The following RORA variants were observed in gnomAD, a reference collection of about 807,000 sequenced individuals.
RORA encodes nuclear receptor ROR-alpha.
A neutral mutation model predicts 69.5 loss-of-function variants in RORA; 7 were observed. The ratio of observed to expected loss-of-function variants is 0.10; its 90% CI spans 0.06 to 0.19. The LOEUF (loss-of-function observed/expected upper bound fraction) is 0.19, where lower values mean the gene tolerates loss of function less well. Ranked by LOEUF, RORA falls within the 10% of genes least tolerant of loss-of-function variation. The pLI, the probability that RORA is intolerant of heterozygous loss-of-function variation, is 1.00. For missense variants in RORA, 457 were observed against 663.0 expected (o/e 0.69, Z 3.41); for synonymous variants, 261 against 240.8 (o/e 1.08, Z -0.78).
At chr15:61,035,665 ATCAC>A (rs1896422840) in intron 1 of RORA, among the ~76,000 whole-genome samples, 1 of 152,176 alleles carries the variant, frequency 6.6e-6, no homozygotes, top group African/African-American at 2.4e-5. Flanking sequence ...AGGTGTCTGA[ATCAC>A]TCACTATGAA....
intron 2 of RORA, among the ~76,000 whole-genome samples, chr15:60,629,172 G>A (rs1316082908): frequency 7.2e-6 from 1 of 139,506 alleles, no homozygotes; most frequent in Non-Finnish European, 1.5e-5. Flanking sequence ...TGTTTATAAG[G>A]ATTGACTGTT....
At chr15:61,227,545 G>T (rs979901128) in intron 1 of RORA, among the ~76,000 whole-genome samples, 1 of 152,044 alleles carries the variant, frequency 6.6e-6, no homozygotes, top group African/African-American at 2.4e-5. Flanking sequence ...TCCGTGAATG[G>T]GAAAGCGCCT....
chr15:60,929,388 G>C (rs1409823102), intron 1 of RORA, among the ~76,000 whole-genome samples: 1 of 152,226 alleles, frequency 6.6e-6, no homozygotes, highest in East Asian at 1.9e-4. Context: ...TCTTTGTTGA[G>C]AGGAAGGCAG....
intron 3 of RORA, among the ~76,000 whole-genome samples, chr15:60,522,704 G>A (rs575908877): frequency 1.3e-5 from 2 of 151,484 alleles, no homozygotes; most frequent in African/African-American, 4.8e-5. Flanking sequence ...AGGAGTTTGA[G>A]GGTGCAGTGA....
At chr15:60,960,864 A>T (rs188546972) in intron 1 of RORA, among the ~76,000 whole-genome samples, 5 of 152,242 alleles carry the variant, frequency 3.3e-5, no homozygotes, top group Admixed American at 2.6e-4. Flanking sequence ...ATTATTTCAA[A>T]TAACCTCAAA....
At chr15:60,540,634 A>G (rs1054656396) in intron 2 of RORA, among the ~76,000 whole-genome samples, 1 of 142,752 alleles carries the variant, frequency 7.0e-6, no homozygotes, top group Admixed American at 7.2e-5. Flanking sequence ...AAATGGGTCA[A>G]AATAACAAGA....
chr15:60,562,975 G>A (rs992520602), intron 2 of RORA, among the ~76,000 whole-genome samples: 7 of 152,180 alleles, frequency 4.6e-5, no homozygotes, highest in South Asian at 4.2e-4. Flanking sequence ...CTGTTAATCC[G>A]AGTGTACAAG....
chr15:60,674,048 T>G (rs1192859513), intron 2 of RORA, among the ~76,000 whole-genome samples: 1 of 152,214 alleles, frequency 6.6e-6, no homozygotes, highest in Non-Finnish European at 1.5e-5. Flanking sequence ...TAAAAGAACT[T>G]CAGCGTGGCT....
intron 1 of RORA, among the ~76,000 whole-genome samples, chr15:60,921,148 G>A (rs1892032380): frequency 6.6e-6 from 1 of 152,178 alleles, no homozygotes; most frequent in African/African-American, 2.4e-5. Context: ...GTTCACATAT[G>A]CCTACCCCAT....
At position 61,030,285 on chromosome 15, in the gene RORA, A is replaced by ATAATG. The variant is rs150978221; in HGVS notation, c.166+198763_166+198767dup. ...AACGGGGTCAAAGGATTTGAAGGTT[A>ATAATG]TAATGTATCAGTGCTAATTTGCTGA... On this transcript the variant is annotated intron_variant, in intron 1 of 10. Transcript: ENST00000335670. Among the ~76,000 whole-genome samples the ATAATG allele has an allele frequency of 2.1e-3, 327 of 152,326 alleles. 1 individual carries two copies. Among genetic ancestry groups the ATAATG allele is most frequent in the African/African-American group, 7.5e-3 (313 of 41,578 alleles).
chr15:60,745,231 T>G lies in RORA; in HGVS notation c.167-66545A>C, dbSNP rs369882987. On this transcript the variant is annotated intron_variant, in intron 1 of 10. Coordinates refer to ENST00000335670, the MANE Select transcript of RORA (RefSeq NM_134261.3). ...TTGCTTCCAGGGGAGTTTTCTCTGCTTTCCAGGATTCCAGCAGAATCTCAT... is the reference window on the plus strand; with the variant it reads ...TTGCTTCCAGGGGAGTTTTCTCTGCGTTCCAGGATTCCAGCAGAATCTCAT... 2.6e-4 allele frequency among the ~76,000 whole-genome samples: 39 copies of G among 152,242 alleles called. No individual in the cohort carries two copies. In the South Asian group the frequency reaches 6.8e-3, roughly 27 times the overall value.
At position 60,947,856 on chromosome 15, in the gene RORA, G is replaced by A. The variant is rs140457224; in HGVS notation, c.167-269170C>T. Among the ~76,000 whole-genome samples the A allele has an allele frequency of 7.2e-5, 11 of 152,278 alleles. No individual in the cohort carries two copies. The East Asian group carries it at 2.1e-3, about 29-fold the overall frequency. On this transcript the variant is annotated intron_variant, in intron 1 of 10. Coordinates refer to ENST00000335670, the MANE Select transcript of RORA (RefSeq NM_134261.3). The stretch of plus-strand genomic sequence containing the variant: ...ATTGGGAAGAGTTGCAGCAGTAATG[G>A]CATCATTAACAGGCAGGGCATGGGG...
At chr15:61,195,506 A>T (rs2079838853) in intron 1 of RORA, among the ~76,000 whole-genome samples, 1 of 151,924 alleles carries the variant, frequency 6.6e-6, no homozygotes, top group Admixed American at 6.6e-5. Flanking sequence ...TTACACACAA[A>T]CCATGACTCC....
chr15:61,041,900 T>C (rs1896791158), intron 1 of RORA, among the ~76,000 whole-genome samples: 1 of 152,216 alleles, frequency 6.6e-6, no homozygotes, highest in South Asian at 2.1e-4. Flanking sequence ...CTTTTAATCT[T>C]ATGAGGTAGG....
At chr15:60,678,932 A>G (rs1182623830) in intron 1 of RORA, among the ~76,000 whole-genome samples, 2 of 152,340 alleles carry the variant, frequency 1.3e-5, no homozygotes, top group East Asian at 3.9e-4. Flanking sequence ...GAGCATGGAC[A>G]ATAACTAAAC....
At chr15:60,804,637 C>T (rs894110643) in intron 1 of RORA, among the ~76,000 whole-genome samples, 8 of 152,260 alleles carry the variant, frequency 5.3e-5, no homozygotes, top group South Asian at 2.1e-4. Flanking sequence ...TTAAGATCAA[C>T]GGTAGCCAAG....
At chr15:60,733,764 A>G (rs2071459374) in intron 1 of RORA, among the ~76,000 whole-genome samples, 1 of 152,134 alleles carries the variant, frequency 6.6e-6, no homozygotes, top group Admixed American at 6.6e-5. Flanking sequence ...AGCAGAGAGA[A>G]AAGAGTTATG....
intron 4 of RORA, 152 bp downstream of exon 4, chr15:60,514,464 A>T: frequency 1.4e-6 from 1 of 711,166 alleles, no homozygotes; most frequent in Non-Finnish European, 2.4e-6. Flanking sequence ...TGTGAGTTCC[A>T]TGTAGCTGCC....
chr15:60,887,048 T>G (rs1166868655), intron 1 of RORA, among the ~76,000 whole-genome samples: 1 of 152,140 alleles, frequency 6.6e-6, no homozygotes, highest in Non-Finnish European at 1.5e-5. Context: ...CTGGAAGTAA[T>G]TTGCTCTTCA....
Sources: gnomAD v4.1 joint callset for allele counts (sites outside exome capture counted in the v4.1 genomes callset) on GRCh38, gnomAD v4.1.1 for gene constraint, MANE v1.5 for transcripts, NCBI Gene and HGNC (gene_info 2026-07-23, HGNC 2026-07-21) for gene names.